The following ZBTB20 variants were observed in gnomAD, a reference collection of about 807,000 sequenced individuals.
ZBTB20 encodes zinc finger and BTB domain containing 20.
ZBTB20 carries 9 observed loss-of-function variants against 56.9 expected under a neutral mutation model. The ratio of observed to expected loss-of-function variants is 0.16; its 90% CI spans 0.10 to 0.28. The LOEUF is 0.28. Among genes scored for constraint, ZBTB20 ranks in the 10% least tolerant of loss-of-function variants. The pLI is 1.00. For synonymous variants in ZBTB20, 417 were observed against 420.7 expected, an observed-to-expected ratio of 0.99 and a Z score of 0.11; for missense variants, 655 against 1,003.0, an observed-to-expected ratio of 0.65 and a Z score of 4.69.
chr3:114,775,341 A>T (rs948758966), intron 5 of ZBTB20, among the ~76,000 whole-genome samples: 2 of 152,120 alleles, frequency 1.3e-5, no homozygotes, highest in Non-Finnish European at 2.9e-5. Flanking sequence ...TCTTATACTT[A>T]ACTTTACTCT....
intron 1 of ZBTB20, among the ~76,000 whole-genome samples, chr3:115,112,237 C>T (rs1179810811): frequency 1.3e-5 from 2 of 151,964 alleles, no homozygotes; most frequent in Non-Finnish European, 2.9e-5. Context: ...TTGTTACATG[C>T]ATAAAATGTG....
chr3:114,554,524 T>C (rs1577509432), intron 6 of ZBTB20, among the ~76,000 whole-genome samples: 1 of 152,168 alleles, frequency 6.6e-6, no homozygotes, highest in East Asian at 1.9e-4. Context: ...TAAAAGTTAT[T>C]TCCTCATTGA....
At chr3:115,142,978 G>A (rs1278619135) in intron 1 of ZBTB20, among the ~76,000 whole-genome samples, 2 of 151,976 alleles carry the variant, frequency 1.3e-5, no homozygotes, top group East Asian at 3.8e-4. Flanking sequence ...ACTTGTATTT[G>A]GCTAACAAAG....
chr3:114,688,390 G>GAAAAA, intron 6 of ZBTB20: 1 of 138,352 alleles, frequency 7.2e-6, no homozygotes, highest in Non-Finnish European at 1.5e-5. Flanking sequence ...AATAAAAGTT[G>GAAAAA]AAAAAAAAAA....
chr3:115,131,135 G>T (rs12632241), intron 1 of ZBTB20, among the ~76,000 whole-genome samples: 23,074 of 152,126 alleles, frequency 0.15, 2,324 homozygotes, highest in East Asian at 0.59. Flanking sequence ...TTTTGAACAT[G>T]TTTTTAGCAC....
At chr3:114,465,434 C>T (rs748931534) in intron 7 of ZBTB20, among the ~76,000 whole-genome samples, 12 of 152,058 alleles carry the variant, frequency 7.9e-5, no homozygotes, top group Admixed American at 3.3e-4. Flanking sequence ...GGGCCAGGTG[C>T]GGTGGCTCAT....
chr3:114,957,685 G>C (rs911047903), intron 3 of ZBTB20, among the ~76,000 whole-genome samples: 1 of 152,076 alleles, frequency 6.6e-6, no homozygotes, highest in Non-Finnish European at 1.5e-5. Context: ...TTTTCATCGT[G>C]ACAACCACAC....
chr3:114,867,837 A>C (rs900782319), intron 4 of ZBTB20, among the ~76,000 whole-genome samples: 11 of 152,192 alleles, frequency 7.2e-5, no homozygotes, highest in African/African-American at 2.7e-4. Flanking sequence ...TTTCAGGTCT[A>C]AACATGCTGG....
At chr3:115,003,187 C>A (rs1211203870) in intron 2 of ZBTB20, among the ~76,000 whole-genome samples, 1 of 151,462 alleles carries the variant, frequency 6.6e-6, no homozygotes, top group Non-Finnish European at 1.5e-5. Flanking sequence ...ATTTCTATGG[C>A]AGTGAAAGTA....
chr3:114,435,032 T>G (rs1053196633), intron 7 of ZBTB20, among the ~76,000 whole-genome samples: 3 of 152,272 alleles, frequency 2.0e-5, no homozygotes, highest in Middle Eastern at 3.4e-3. Flanking sequence ...TGATTTATCA[T>G]GTAGTCCATG....
intron 6 of ZBTB20, among the ~76,000 whole-genome samples, chr3:114,539,249 C>G (rs1202804205): frequency 6.6e-6 from 1 of 152,084 alleles, no homozygotes; most frequent in Non-Finnish European, 1.5e-5. Context: ...AAATTTTATT[C>G]AGATGCATCA....
At chr3:114,856,069 G>A (rs2075238422) in intron 4 of ZBTB20, among the ~76,000 whole-genome samples, 1 of 152,074 alleles carries the variant, frequency 6.6e-6, no homozygotes, top group Admixed American at 6.6e-5. Context: ...CTGGCTGTGT[G>A]GTATTAGACA....
intron 1 of ZBTB20, among the ~76,000 whole-genome samples, chr3:115,080,955 T>C (rs1349673058): frequency 2.6e-5 from 4 of 152,156 alleles, no homozygotes; most frequent in African/African-American, 9.6e-5. Flanking sequence ...ATCACATGCA[T>C]AGACAGGTCA....
At chr3:114,535,201 A>G (rs1304647002) in intron 6 of ZBTB20, among the ~76,000 whole-genome samples, 1 of 152,190 alleles carries the variant, frequency 6.6e-6, no homozygotes, top group Non-Finnish European at 1.5e-5. Context: ...TGAATCTAGG[A>G]GCTGATTTTT....
rs1340681080 is a variant in ZBTB20 at position 114,949,528 on chromosome 3, G to A, written c.-456+24838C>T. Among the ~76,000 whole-genome samples, 2 of 146,254 alleles carry A rather than the reference G, an allele frequency of 1.4e-5. 1 individual carries two copies. The highest frequency in any genetic ancestry group is 5.6e-5 in the African/African-American group (2 of 35,980). On this transcript the variant is annotated intron_variant, in intron 3 of 11. Coordinates refer to ENST00000675478, the MANE Select transcript of ZBTB20 (RefSeq NM_001348800.3). The stretch of plus-strand genomic sequence containing the variant: ...CATGCCTGTAATCCCAGCACTTTGG[G>A]AGGCCAAGGTGGCCAGATCACCTGA...
At chr3:114,740,269 G>A (rs2066477182) in intron 5 of ZBTB20, among the ~76,000 whole-genome samples, 2 of 152,178 alleles carry the variant, frequency 1.3e-5, no homozygotes, top group South Asian at 4.1e-4. Context: ...ATGGAAAATG[G>A]TGTGTCTAGG....
intron 1 of ZBTB20, among the ~76,000 whole-genome samples, chr3:115,077,216 T>C (rs1239177114): frequency 2.6e-5 from 4 of 152,182 alleles, no homozygotes; most frequent in African/African-American, 9.6e-5. Flanking sequence ...ATAATCCAAC[T>C]TTTAATAATG....
chr3:114,347,287 T>C (rs1043675549), intron 11 of ZBTB20, among the ~76,000 whole-genome samples: 2 of 152,044 alleles, frequency 1.3e-5, no homozygotes, highest in Admixed American at 6.6e-5. Context: ...GCTAAGACAG[T>C]TACTCTGCAG....
intron 2 of ZBTB20, among the ~76,000 whole-genome samples, chr3:115,067,967 T>G (rs1184819282): frequency 6.6e-6 from 1 of 152,116 alleles, no homozygotes; most frequent in Non-Finnish European, 1.5e-5. Context: ...GCTGGGCCAA[T>G]CCAGGCATAT....
Sources: gnomAD v4.1 joint callset for allele counts (sites outside exome capture counted in the v4.1 genomes callset) on GRCh38, gnomAD v4.1.1 for gene constraint, MANE v1.5 for transcripts, NCBI Gene and HGNC (gene_info 2026-07-23, HGNC 2026-07-21) for gene names.